The following PRIMPOL variants were observed in gnomAD, a reference collection of about 807,000 sequenced individuals.
The protein encoded by PRIMPOL is DNA-directed primase/polymerase protein.
A neutral mutation model predicts 63.6 loss-of-function variants in PRIMPOL; 54 were observed. That is an observed-to-expected ratio of 0.85 (90% confidence interval 0.68 to 1.07). PRIMPOL has a LOEUF of 1.07. PRIMPOL is among the 50% of genes least tolerant of loss of function. The pLI, the probability that PRIMPOL is intolerant of heterozygous loss-of-function variation, is 0.00. For synonymous variants in PRIMPOL, 197 were observed against 220.2 expected (o/e 0.89, Z 0.93); for missense variants, 610 against 648.3 (o/e 0.94, Z 0.64).
intron 5 of PRIMPOL, among the ~76,000 whole-genome samples, chr4:184,663,018 T>TCTA (rs1553990858): frequency 2.2e-5 from 3 of 138,758 alleles, no homozygotes; most frequent in Admixed American, 7.4e-5. Context: ...ATTTTAAACC[T>TCTA]TTATTATTAT....
At position 184,678,314 on chromosome 4, in the gene PRIMPOL, TAAC is replaced by T. The variant is rs760210053; in HGVS notation, c.930_932del (p.Asn310del). The T allele has an allele frequency of 1.2e-6, 2 of 1,608,640 alleles. No individual in the cohort carries two copies. The highest frequency in any genetic ancestry group is 1.3e-5 in the African/African-American group (1 of 74,786). ...GTGTGGCTTTGGAGGTTACTGAAGA[TAAC>T]AAATTTTTTCCTATACAGTCAAAAG... On this transcript the variant is annotated inframe_deletion, in exon 8 of 14. Transcript: ENST00000314970.
intron 2 of PRIMPOL, among the ~76,000 whole-genome samples, chr4:184,653,244 A>T (rs896648753): frequency 3.2e-4 from 49 of 152,098 alleles, no homozygotes; most frequent in Non-Finnish European, 5.0e-4. Context: ...CTGCTCCTGG[A>T]ATCCAGACCA....
chr4:184,659,368 A>G lies in PRIMPOL; in HGVS notation c.209A>G (p.Lys70Arg), dbSNP rs755264946. The change falls in exon 4 of 14, where the codon AAA becomes AGA. Residue 70 changes from lysine (K) to arginine (R), a missense_variant. Lys to Arg is a conservative substitution (Grantham distance 26). Around this residue, in one of 3 missense-constraint regions of PRIMPOL, gnomAD observed 159 missense variants for 168.9 expected, o/e 0.94. Coordinates refer to ENST00000314970, the MANE Select transcript of PRIMPOL (RefSeq NM_152683.4). ...GTTCATGTATTTGCTTTGGAATGCA[A>G]AGTAGGAGATGGACAACGTATTTAC... is the stretch of plus-strand genomic sequence containing the variant. ...EDVHVFALEC[K>R]VGDGQRIYLV... 6.2e-7 allele frequency: 1 copy of G among 1,613,856 alleles called. No individual in the cohort carries two copies. The highest frequency in any genetic ancestry group is 1.1e-5 in the South Asian group (1 of 91,058).
At chr4:184,663,433 G>A (rs1167850897) in intron 5 of PRIMPOL, among the ~76,000 whole-genome samples, 1 of 152,106 alleles carries the variant, frequency 6.6e-6, no homozygotes, top group African/African-American at 2.4e-5. Flanking sequence ...GGGCTACAAG[G>A]AACCTCGATT....
At chr4:184,660,072 C>T (rs1221306472) in intron 4 of PRIMPOL, among the ~76,000 whole-genome samples, 4 of 151,962 alleles carry the variant, frequency 2.6e-5, no homozygotes, top group African/African-American at 4.8e-5. Context: ...CCACCCACCT[C>T]GGCCTCCCAA....
At chr4:184,681,774 A>G (rs901254870) in intron 8 of PRIMPOL, among the ~76,000 whole-genome samples, 13 of 152,042 alleles carry the variant, frequency 8.6e-5, no homozygotes, top group African/African-American at 2.7e-4. Context: ...GGGTTTCACT[A>G]TGTTGGCCAG....
At chr4:184,650,940 C>T (rs1287537836) in intron 1 of PRIMPOL, among the ~76,000 whole-genome samples, 1 of 152,046 alleles carries the variant, frequency 6.6e-6, no homozygotes, top group Non-Finnish European at 1.5e-5. Context: ...AACAATCCCT[C>T]GGGATAGGAA....
chr4:184,694,457 A>G, intron 13 of PRIMPOL, 65 bp from the exon 14 acceptor site: 1 of 1,553,586 alleles, frequency 6.4e-7, no homozygotes, highest in Non-Finnish European at 8.7e-7. Context: ...GTATAAGGTT[A>G]AATCACATAT....
intron 7 of PRIMPOL, among the ~76,000 whole-genome samples, chr4:184,675,020 G>T (rs565289424): frequency 6.6e-6 from 1 of 152,160 alleles, no homozygotes; most frequent in African/African-American, 2.4e-5. Context: ...CACTAAACAC[G>T]ATGAAAAATA....
chr4:184,690,254 T>C (rs900769260), intron 11 of PRIMPOL, among the ~76,000 whole-genome samples: 5 of 152,218 alleles, frequency 3.3e-5, no homozygotes, highest in Non-Finnish European at 4.4e-5. Context: ...TACTTTATTT[T>C]ACAAAAACTT....
chr4:184,657,340 C>T lies in PRIMPOL; in HGVS notation c.180+20C>T. The T allele has an allele frequency of 6.5e-7, 1 of 1,545,946 alleles. No individual in the cohort carries two copies. Among genetic ancestry groups the T allele is most frequent in the East Asian group, 2.3e-5 (1 of 43,844 alleles). On this transcript the variant is annotated intron_variant, in intron 3 of 13. Coordinates refer to ENST00000314970, the MANE Select transcript of PRIMPOL (RefSeq NM_152683.4). ...AAAGAAGTAATTTCCTCCTCCTCCT[C>T]TTCTTCTTCCTCCTCTTCCACTTCC...
At chr4:184,688,461 A>C (rs920231667) in intron 11 of PRIMPOL, among the ~76,000 whole-genome samples, 1 of 152,242 alleles carries the variant, frequency 6.6e-6, no homozygotes, top group African/African-American at 2.4e-5. Flanking sequence ...ACAGATCAGA[A>C]ATCTTGCCCA....
chr4:184,671,968 C>G (rs1324874746), intron 6 of PRIMPOL, among the ~76,000 whole-genome samples: 1 of 151,868 alleles, frequency 6.6e-6, no homozygotes, highest in Non-Finnish European at 1.5e-5. Context: ...TCTCGATCTC[C>G]CGACCTTGTG....
chr4:184,667,214 CT>C (rs1337170953), intron 6 of PRIMPOL, among the ~76,000 whole-genome samples: 1 of 152,150 alleles, frequency 6.6e-6, no homozygotes, highest in Non-Finnish European at 1.5e-5. Flanking sequence ...GGTAGCTCAG[CT>C]GGACGTTCCT....
intron 2 of PRIMPOL, among the ~76,000 whole-genome samples, chr4:184,655,106 T>G (rs1446605369): frequency 3.3e-5 from 5 of 151,920 alleles, no homozygotes; most frequent in African/African-American, 1.2e-4. Flanking sequence ...GCCTCCTGGG[T>G]TCAAGCAATT....
intron 4 of PRIMPOL, among the ~76,000 whole-genome samples, chr4:184,661,342 A>T (rs1748246797): frequency 6.6e-6 from 1 of 152,206 alleles, no homozygotes; most frequent in South Asian, 2.1e-4. Flanking sequence ...TTCTTATTTC[A>T]TACTTGTATG....
Position 184,657,171 on chromosome 4 carries a change from CA to C in PRIMPOL, c.34del (p.Ile12LeufsTer60), listed in dbSNP as rs776634002. On this transcript the variant is annotated frameshift_variant, in exon 3 of 14. Transcript: ENST00000314970. LOFTEE classifies it high-confidence loss of function. ...TAGAAAATGGGAAGCAAAACTGAAG[CA>C]AATTGAAGAACGAGCATCTCATTAT... MNRKWEAKLKQIEERASHYER... is the reference protein window; with the variant it reads MNRKWEAKLKXIEERASHYER... 1.7e-4 allele frequency: 280 copies of C among 1,610,064 alleles called. 1 individual carries two copies. Among genetic ancestry groups the C allele is most frequent in the Non-Finnish European group, 2.1e-4 (248 of 1,178,536 alleles).
chr4:184,665,412 C>T (rs979548300), intron 5 of PRIMPOL, among the ~76,000 whole-genome samples: 1 of 151,680 alleles, frequency 6.6e-6, no homozygotes, highest in African/African-American at 2.4e-5. Flanking sequence ...CTTGTAGTCT[C>T]AGAGGCTGTA....
chr4:184,662,257 TG>T, intron 5 of PRIMPOL, among the ~76,000 whole-genome samples: 1 of 152,272 alleles, frequency 6.6e-6, no homozygotes, highest in African/African-American at 2.4e-5. Flanking sequence ...CTGTAAAAAT[TG>T]GGTACTGAGA....
Sources: gnomAD v4.1 joint callset for allele counts (sites outside exome capture counted in the v4.1 genomes callset) on GRCh38, gnomAD v4.1.1 for gene constraint, gnomAD v4.1.1 regional missense constraint, MANE v1.5 for transcripts, NCBI Gene and HGNC (gene_info 2026-07-23, HGNC 2026-07-21) for gene names.